The following WIPF3 variants were observed in gnomAD, a reference collection of about 807,000 sequenced individuals.
The protein encoded by WIPF3 is WAS/WASL interacting protein family member 3.
A neutral mutation model predicts 38.9 loss-of-function variants in WIPF3; 33 were observed. The ratio of observed to expected loss-of-function variants is 0.85; its 90% CI spans 0.64 to 1.14. The LOEUF is 1.14. Ranked by LOEUF, WIPF3 falls within the 50% of genes most tolerant of loss-of-function variation. The probability of loss-of-function intolerance (pLI) is 0.00; values close to 1 mark genes in which losing one functional copy is unlikely to be tolerated. For missense variants in WIPF3, 711 were observed against 652.5 expected (o/e 1.09, Z -0.98); for synonymous variants, 324 against 269.3 (o/e 1.20, Z -1.99).
chr7:29,853,558 C>G (rs1014328908), intron 2 of WIPF3, among the ~76,000 whole-genome samples: 6 of 152,230 alleles, frequency 3.9e-5, no homozygotes, highest in Non-Finnish European at 1.5e-5. Flanking sequence ...TAGCAATGGC[C>G]TTCTCTGACA....
At position 29,878,182 on chromosome 7, in the gene WIPF3, A is replaced by G. The variant is rs1371161453; in HGVS notation, c.224-827A>G. Among the ~76,000 whole-genome samples the G allele has an allele frequency of 6.6e-6, 1 of 152,254 alleles. No homozygotes were observed. The highest frequency in any genetic ancestry group is 1.5e-5 in the Non-Finnish European group (1 of 68,046). On this transcript the variant is annotated intron_variant, in intron 3 of 8. Transcript: ENST00000242140. This position sits in a 1 kb window ranked among gnomAD's most constrained non-coding sequence, Gnocchi z 4.0. ...ATTAACAGGTAAATCAATTTCATTG[A>G]AACACTCACTTCCTAATCATTCTCA...
intron 2 of WIPF3, among the ~76,000 whole-genome samples, chr7:29,871,799 T>C (rs186937659): frequency 0.011 from 1,716 of 152,192 alleles, 35 homozygotes; most frequent in African/African-American, 0.039. Flanking sequence ...GTTAAGACTG[T>C]TGTTCAATTT....
intron 2 of WIPF3, among the ~76,000 whole-genome samples, chr7:29,856,222 C>T (rs1452952184): frequency 6.6e-6 from 1 of 152,024 alleles, no homozygotes; most frequent in African/African-American, 2.4e-5. Flanking sequence ...TATTCTATTC[C>T]CTATTGTATA....
At chr7:29,907,361 A>C (rs1786417314) in intron 8 of WIPF3, among the ~76,000 whole-genome samples, 2 of 152,218 alleles carry the variant, frequency 1.3e-5, no homozygotes, top group African/African-American at 4.8e-5. Context: ...AACAACTAAA[A>C]GGAGTGGTGA....
intron 1 of WIPF3, among the ~76,000 whole-genome samples, chr7:29,816,602 A>C (rs935976349): frequency 6.6e-6 from 1 of 152,056 alleles, no homozygotes. Flanking sequence ...CTGGGATTAC[A>C]GGCATGAGCT....
At position 29,849,948 on chromosome 7, in the gene WIPF3, C is replaced by T. The variant is rs548641305; in HGVS notation, c.90+15134C>T. The stretch of plus-strand genomic sequence containing the variant: ...AAGGGCTTAGCATCATCAGAGCAAT[C>T]GTTTGTATTTTCTTCTGGGTTGCTT... On this transcript the variant is annotated intron_variant, in intron 2 of 8. Coordinates refer to ENST00000242140, the MANE Select transcript of WIPF3 (RefSeq NM_001080529.3). Among the ~76,000 whole-genome samples the T allele has an allele frequency of 1.8e-4, 27 of 152,222 alleles. No individual in the cohort carries two copies. In the South Asian group the frequency reaches 4.8e-3, roughly 27 times the overall value.
At chr7:29,828,231 C>T (rs1243593063) in intron 1 of WIPF3, among the ~76,000 whole-genome samples, 1 of 152,176 alleles carries the variant, frequency 6.6e-6, no homozygotes, top group Non-Finnish European at 1.5e-5. Flanking sequence ...ACGAGAGCAA[C>T]TAGTGTGTAA....
intron 1 of WIPF3, among the ~76,000 whole-genome samples, chr7:29,815,085 G>A (rs923827542): frequency 2.0e-5 from 3 of 152,040 alleles, no homozygotes; most frequent in African/African-American, 7.2e-5. Flanking sequence ...ACGTTTCAAT[G>A]AAACATTTTT....
At chr7:29,891,002 AGGTGG>A in intron 7 of WIPF3, among the ~76,000 whole-genome samples, 1 of 121,948 alleles carries the variant, frequency 8.2e-6, no homozygotes, top group Non-Finnish European at 1.7e-5. Flanking sequence ...CCCTGTGCTC[AGGTGG>A]AGGGGGCGAG....
chr7:29,863,322 A>G (rs1263722495), intron 2 of WIPF3, among the ~76,000 whole-genome samples: 2 of 152,190 alleles, frequency 1.3e-5, no homozygotes, highest in Admixed American at 6.5e-5. Context: ...CAGCTTATTA[A>G]TCTATTCACC....
rs912283632 is a variant in WIPF3, at chr7:29,844,810, G to A, written c.90+9996G>A. On this transcript the variant is annotated intron_variant, in intron 2 of 8. Transcript: ENST00000242140. This position sits in a 1 kb window ranked among gnomAD's most constrained non-coding sequence, Gnocchi z 4.8. The stretch of plus-strand genomic sequence containing the variant: ...GAGCTAACTCAGGCACTGGGGGCAC[G>A]TCACTTACTGGGCAGGGCTATTATT... Among the ~76,000 whole-genome samples, 6 of 152,180 alleles carry A rather than the reference G, an allele frequency of 3.9e-5. No homozygotes were observed. Among genetic ancestry groups the A allele is most frequent in the Admixed American group, 1.3e-4 (2 of 15,280 alleles).
intron 8 of WIPF3, 33 bp downstream of exon 8, chr7:29,904,395 C>T: frequency 3.1e-6 from 5 of 1,601,262 alleles, no homozygotes; most frequent in South Asian, 1.1e-5. Flanking sequence ...GAATGTAAAA[C>T]CAGGAATTCT....
chr7:29,856,201 T>C (rs1272077122), intron 2 of WIPF3, among the ~76,000 whole-genome samples: 1 of 152,240 alleles, frequency 6.6e-6, no homozygotes, highest in Non-Finnish European at 1.5e-5. Flanking sequence ...CTTCCTTTGT[T>C]CATGCCTTTG....
Position 29,884,041 on chromosome 7 carries a change from C to G in WIPF3, c.547C>G (p.Pro183Ala). Residue 183 changes from proline to alanine, a missense_variant, in exon 5 of 9, where the codon CCT (proline) becomes GCT (alanine). Physicochemically the swap from Pro to Ala is conservative, Grantham distance 27. Transcript: ENST00000242140. ...APPPPTPPPP[P>A]PPLPPPLPSS... ...GCCCCCTCCCACCCCACCCCCTCCG[C>G]CTCCACCCTTACCCCCGCCCCTTCC... 1 of 1,428,484 alleles carries G rather than the reference C, an allele frequency of 7.0e-7. No homozygotes were observed. Among genetic ancestry groups the G allele is most frequent in the Non-Finnish European group, 9.3e-7 (1 of 1,073,628 alleles). 88.5% of individuals were successfully genotyped at this position (1,428,484 alleles called of 1,614,324 possible).
In WIPF3 at chr7:29,884,264, T is replaced by TGGGCCCC; in HGVS notation, c.770_771insGGGCCCC (p.Pro258GlyfsTer62). The TGGGCCCC allele has an allele frequency of 2.3e-6, 3 of 1,315,274 alleles. No individual in the cohort carries two copies. The highest frequency in any genetic ancestry group is 2.0e-6 in the Non-Finnish European group (2 of 992,700). 81.5% of individuals were successfully genotyped at this position (1,315,274 alleles called of 1,614,324 possible). On this transcript the variant is annotated frameshift_variant, in exon 5 of 9. Transcript: ENST00000242140. LOFTEE classifies it high-confidence loss of function. ...AAGCCTCAGCTGGCTCCCTTGCACC[T>TGGGCCCC]CCCGCCCATCCCGCCCCCGCTCCCT...
At chr7:29,900,433 G>A (rs1378132388) in intron 7 of WIPF3, among the ~76,000 whole-genome samples, 2 of 152,186 alleles carry the variant, frequency 1.3e-5, no homozygotes, top group Non-Finnish European at 2.9e-5. Flanking sequence ...CTGTGGACAG[G>A]AAGTGAGGTC....
intron 2 of WIPF3, among the ~76,000 whole-genome samples, chr7:29,839,987 C>G (rs1371063305): frequency 6.6e-6 from 1 of 152,168 alleles, no homozygotes; most frequent in African/African-American, 2.4e-5. Flanking sequence ...AGTTTCTTTT[C>G]TCTTTTGTTA....
At position 29,828,556 on chromosome 7, in the gene WIPF3, C is replaced by T. The variant is rs555219805; in HGVS notation, c.-57-6112C>T. Among the ~76,000 whole-genome samples, 13 of 152,284 alleles carry T rather than the reference C, an allele frequency of 8.5e-5. No homozygotes were observed. In the East Asian group the frequency reaches 2.5e-3, roughly 29 times the overall value. ...CCAGATTTCAAAATTGAACTTCGCG[C>T]AAAAATCTAGATAGATATGGGGCTT... On this transcript the variant is annotated intron_variant, in intron 1 of 8. Coordinates refer to ENST00000242140, the MANE Select transcript of WIPF3 (RefSeq NM_001080529.3).
At chr7:29,870,092 G>C (rs115143646) in intron 2 of WIPF3, among the ~76,000 whole-genome samples, 2 of 152,090 alleles carry the variant, frequency 1.3e-5, no homozygotes, top group Non-Finnish European at 2.9e-5. Context: ...GGACTTCCAG[G>C]ATCAAGAGGC....
Sources: gnomAD v4.1 joint callset for allele counts (sites outside exome capture counted in the v4.1 genomes callset) on GRCh38, gnomAD v4.1.1 for gene constraint, Gnocchi (gnomAD v3.1) non-coding constraint, MANE v1.5 for transcripts, NCBI Gene and HGNC (gene_info 2026-07-23, HGNC 2026-07-21) for gene names.